Variants in WWOX observed in about 807,000 individuals in gnomAD.
WWOX encodes the protein WW domain-containing oxidoreductase.
A neutral mutation model predicts 46.2 loss-of-function variants in WWOX; 69 were observed. That is an observed-to-expected ratio of 1.49 (90% CI 1.23 to 1.82). The LOEUF (loss-of-function observed/expected upper bound fraction) is 1.82, where lower values mean the gene tolerates loss of function less well. Ranked by LOEUF, WWOX falls within the 40% of genes most tolerant of loss-of-function variation. The probability of loss-of-function intolerance (pLI) is 0.00; values close to 1 mark genes in which losing one functional copy is unlikely to be tolerated. For synonymous variants in WWOX, 359 were observed against 202.6 expected, an observed-to-expected ratio of 1.77 and a Z score of -6.56; for missense variants, 919 against 542.6, an observed-to-expected ratio of 1.69 and a Z score of -6.89.
intron 4 of WWOX, among the ~76,000 whole-genome samples, chr16:78,138,810 G>T (rs546533711): frequency 6.6e-4 from 100 of 152,262 alleles, no homozygotes; most frequent in African/African-American, 2.2e-3. Context: ...GCCACTCCAC[G>T]GATGTGAGTG....
At chr16:78,655,400 TAAAC>T (rs916162919) in intron 8 of WWOX, among the ~76,000 whole-genome samples, 1 of 152,210 alleles carries the variant, frequency 6.6e-6, no homozygotes. Context: ...ACAAGTAAAT[TAAAC>T]AAGTAATTAG....
chr16:78,610,726 A>G (rs2045881066), intron 8 of WWOX, among the ~76,000 whole-genome samples: 2 of 152,144 alleles, frequency 1.3e-5, no homozygotes, highest in South Asian at 2.1e-4. Flanking sequence ...TAACTTAGGG[A>G]TGTATCATAA....
At chr16:78,636,783 G>A (rs2046582041) in intron 8 of WWOX, among the ~76,000 whole-genome samples, 1 of 152,134 alleles carries the variant, frequency 6.6e-6, no homozygotes. Flanking sequence ...TTTGCTTCTG[G>A]AAGGGAGGCA....
At chr16:79,203,669 G>C (rs560086295) in intron 8 of WWOX, 1 of 152,112 alleles carries the variant, frequency 6.6e-6, no homozygotes, top group African/African-American at 2.4e-5. Context: ...TCTAAAAGAC[G>C]TAATTTTGCA....
Position 78,695,468 on chromosome 16 carries a change from G to C in WWOX, c.1056+262716G>C, listed in dbSNP as rs368530654. On this transcript the variant is annotated intron_variant, in intron 8 of 8. Coordinates refer to ENST00000566780, the MANE Select transcript of WWOX (RefSeq NM_016373.4). ...CCCTTCTTTTGGAGCAGAGAAGCTT[G>C]TCTTTCATGATAGAAGTAGGTCATG... 8.3e-4 allele frequency among the ~76,000 whole-genome samples: 127 copies of C among 152,248 alleles called. 1 individual carries two copies. Among genetic ancestry groups the C allele is most frequent in the African/African-American group, 2.9e-3 (121 of 41,556 alleles).
intron 8 of WWOX, among the ~76,000 whole-genome samples, chr16:78,441,343 A>C (rs1428178645): frequency 1.3e-5 from 2 of 152,240 alleles, no homozygotes; most frequent in African/African-American, 4.8e-5. Context: ...GAATACATGA[A>C]AGATGACCAG....
At chr16:78,459,600 A>G (rs1281353558) in intron 8 of WWOX, among the ~76,000 whole-genome samples, 1 of 152,184 alleles carries the variant, frequency 6.6e-6, no homozygotes, top group Non-Finnish European at 1.5e-5. Flanking sequence ...ATGGCTTTTT[A>G]TGAGGCAAAA....
At chr16:78,634,724 A>G (rs994432892) in intron 8 of WWOX, among the ~76,000 whole-genome samples, 1 of 144,666 alleles carries the variant, frequency 6.9e-6, no homozygotes. Flanking sequence ...AAAAAAAAAA[A>G]GTTCTAAATC....
intron 8 of WWOX, among the ~76,000 whole-genome samples, chr16:79,062,042 C>T (rs2048365891): frequency 6.6e-6 from 1 of 152,098 alleles, no homozygotes; most frequent in African/African-American, 2.4e-5. Context: ...GTTTGTGATG[C>T]CCTTATCAGC....
chr16:78,677,380 T>G (rs1009247198), intron 8 of WWOX, among the ~76,000 whole-genome samples: 15 of 152,224 alleles, frequency 9.9e-5, no homozygotes, highest in Non-Finnish European at 1.5e-4. Context: ...AAATAAAATT[T>G]TGGCCTGCAT....
intron 5 of WWOX, among the ~76,000 whole-genome samples, chr16:78,213,890 C>T (rs185038758): frequency 4.6e-5 from 7 of 152,234 alleles, no homozygotes; most frequent in South Asian, 2.1e-4. Context: ...GCCCCCAGGG[C>T]GGTTTCAGGA....
At position 78,902,954 on chromosome 16, in the gene WWOX, C is replaced by T. The variant is rs72804754; in HGVS notation, c.1057-308654C>T. ...GAGTCGCGGCTGAGTCGAGGATCCACATTCCTGGATGAGTCCTTTTGTTAC... is the reference window on the plus strand; with the variant it reads ...GAGTCGCGGCTGAGTCGAGGATCCATATTCCTGGATGAGTCCTTTTGTTAC... On this transcript the variant is annotated intron_variant, in intron 8 of 8. Coordinates refer to ENST00000566780, the MANE Select transcript of WWOX (RefSeq NM_016373.4). 3.5e-3 allele frequency among the ~76,000 whole-genome samples: 527 copies of T among 152,312 alleles called. 3 individuals carry two copies. Among genetic ancestry groups the T allele is most frequent in the Non-Finnish European group, 6.4e-3 (433 of 68,032 alleles).
intron 8 of WWOX, among the ~76,000 whole-genome samples, chr16:78,653,492 C>G (rs895218861): frequency 6.6e-6 from 1 of 152,178 alleles, no homozygotes; most frequent in Admixed American, 6.5e-5. Flanking sequence ...CCAGTTCTGA[C>G]CAATGGATAT....
chr16:79,111,152 T>G (rs1008874119), intron 8 of WWOX, among the ~76,000 whole-genome samples: 1 of 152,196 alleles, frequency 6.6e-6, no homozygotes, highest in African/African-American at 2.4e-5. Flanking sequence ...GTCATGTAAG[T>G]ATTCCACAAA....
chr16:78,240,237 G>A (rs143860569), intron 5 of WWOX, among the ~76,000 whole-genome samples: 3 of 152,104 alleles, frequency 2.0e-5, no homozygotes, highest in Admixed American at 6.5e-5. Flanking sequence ...CCAGCTACTC[G>A]GGAGGCTGCG....
At chr16:78,305,269 G>C (rs887072112) in intron 5 of WWOX, among the ~76,000 whole-genome samples, 1 of 152,036 alleles carries the variant, frequency 6.6e-6, no homozygotes, top group Non-Finnish European at 1.5e-5. Flanking sequence ...GGGCCCTCCA[G>C]CTGCTGTGAT....
At chr16:78,803,476 T>G (rs1336631619) in intron 8 of WWOX, among the ~76,000 whole-genome samples, 1 of 152,218 alleles carries the variant, frequency 6.6e-6, no homozygotes, top group Non-Finnish European at 1.5e-5. Context: ...AGACAGGGTC[T>G]CGCTGTGTTG....
rs182915529 is a variant in WWOX at position 79,089,875 on chromosome 16, C to T, written c.1057-121733C>T. Among the ~76,000 whole-genome samples, 304 of 149,018 alleles carry T rather than the reference C, an allele frequency of 2.0e-3. 2 individuals are homozygous for T. Among genetic ancestry groups the T allele is most frequent in the African/African-American group, 7.3e-3 (294 of 40,230 alleles). The stretch of plus-strand genomic sequence containing the variant: ...CCTGTTGTCATGCTGGATATGGGGG[C>T]GGTTCAAGGGGGGCTTGGGTGCCTG... On this transcript the variant is annotated intron_variant, in intron 8 of 8. Coordinates refer to ENST00000566780, the MANE Select transcript of WWOX (RefSeq NM_016373.4).
intron 8 of WWOX, among the ~76,000 whole-genome samples, chr16:79,012,819 C>G (rs1201932998): frequency 6.6e-6 from 1 of 152,202 alleles, no homozygotes; most frequent in Non-Finnish European, 1.5e-5. Flanking sequence ...GATCCTTTGA[C>G]TCCTGCCCCA....
Sources: allele counts gnomAD v4.1 joint callset (sites outside exome capture counted in the v4.1 genomes callset), GRCh38; gene constraint gnomAD v4.1.1; transcripts MANE v1.5; gene names NCBI Gene and HGNC (gene_info 2026-07-23, HGNC 2026-07-21).